The following SETBP1 variants were observed in gnomAD, a reference collection of about 807,000 sequenced individuals.
SETBP1 encodes the protein SET-binding protein.
In SETBP1, 9 loss-of-function variants were observed where a neutral mutation model predicts 101.0. The ratio of observed to expected loss-of-function variants is 0.09; its 90% CI spans 0.05 to 0.16. The LOEUF is 0.16. Among genes scored for constraint, SETBP1 ranks in the 10% least tolerant of loss-of-function variants. SETBP1 has a pLI of 1.00. For missense variants in SETBP1, 1,858 were observed against 2,033.8 expected, an observed-to-expected ratio of 0.91 and a Z score of 1.66; for synonymous variants, 818 against 788.5, an observed-to-expected ratio of 1.04 and a Z score of -0.63.
At chr18:44,736,794 C>T (rs1032456539) in intron 2 of SETBP1, among the ~76,000 whole-genome samples, 2 of 152,212 alleles carry the variant, frequency 1.3e-5, no homozygotes, top group African/African-American at 2.4e-5. Flanking sequence ...CTTGCTCATA[C>T]AGTTTGCATG....
intron 2 of SETBP1, among the ~76,000 whole-genome samples, chr18:44,741,456 C>T (rs371324346): frequency 2.0e-5 from 3 of 152,150 alleles, no homozygotes; most frequent in African/African-American, 4.8e-5. Flanking sequence ...CCTGTGCCAT[C>T]GGGACCCCTT....
Position 44,690,269 on chromosome 18 carries a change from C to T in SETBP1, c.-173+9248C>T, listed in dbSNP as rs538002118. 2.0e-5 allele frequency among the ~76,000 whole-genome samples: 3 copies of T among 152,306 alleles called. No homozygotes were observed. The East Asian group carries it at 5.8e-4, about 29-fold the overall frequency. ...CAAGGTAGCTAGAGGAGATATATCA[C>T]AGAGAAAGGGAAGTGGAGCTGATAT... On this transcript the variant is annotated intron_variant, in intron 1 of 5. Coordinates refer to ENST00000649279, the MANE Select transcript of SETBP1 (RefSeq NM_015559.3).
intron 2 of SETBP1, among the ~76,000 whole-genome samples, chr18:44,780,857 T>C (rs2071115113): frequency 6.6e-6 from 1 of 152,156 alleles, no homozygotes; most frequent in African/African-American, 2.4e-5. Context: ...CCTAAAGATG[T>C]GGTGTCCAAG....
intron 4 of SETBP1, among the ~76,000 whole-genome samples, chr18:44,990,594 AAAAC>A (rs140417562): frequency 0.23 from 34,759 of 150,420 alleles, 4,274 homozygotes; most frequent in East Asian, 0.52. Context: ...CTTGTCTCAA[AAAAC>A]AAACAAACAA....
intron 2 of SETBP1, among the ~76,000 whole-genome samples, chr18:44,772,180 G>A (rs1311184343): frequency 2.0e-5 from 3 of 152,122 alleles, no homozygotes; most frequent in Non-Finnish European, 4.4e-5. Context: ...TTTTCCAAAG[G>A]TTGACTCTCC....
chr18:44,836,500 G>C (rs79449524), intron 2 of SETBP1, among the ~76,000 whole-genome samples: 1 of 151,952 alleles, frequency 6.6e-6, no homozygotes, highest in African/African-American at 2.4e-5. Flanking sequence ...ACTCCACTCT[G>C]CTCCACTCTA....
intron 2 of SETBP1, among the ~76,000 whole-genome samples, chr18:44,727,687 C>T (rs1045136471): frequency 2.0e-5 from 3 of 152,180 alleles, no homozygotes; most frequent in Admixed American, 6.5e-5. Context: ...ATCAGATTCT[C>T]GAAGGTGAAA....
At chr18:44,787,104 G>A (rs78417343) in intron 2 of SETBP1, among the ~76,000 whole-genome samples, 1 of 152,116 alleles carries the variant, frequency 6.6e-6, no homozygotes, top group Non-Finnish European at 1.5e-5. Flanking sequence ...GGACAATAGT[G>A]CTTTCAAAGG....
chr18:44,767,588 C>T (rs1308036030), intron 2 of SETBP1, among the ~76,000 whole-genome samples: 1 of 152,180 alleles, frequency 6.6e-6, no homozygotes, highest in Non-Finnish European at 1.5e-5. Context: ...AAAGATTAAA[C>T]AGGTTAGTAA....
chr18:44,917,807 C>T (rs2070473178), intron 3 of SETBP1, among the ~76,000 whole-genome samples: 2 of 152,122 alleles, frequency 1.3e-5, no homozygotes, highest in African/African-American at 4.8e-5. Flanking sequence ...CATGGCAGGG[C>T]TCTGGGATAC....
At chr18:44,699,531 C>T (rs2069079183) in intron 1 of SETBP1, among the ~76,000 whole-genome samples, 2 of 152,212 alleles carry the variant, frequency 1.3e-5, no homozygotes, top group African/African-American at 2.4e-5. Context: ...AACTTCTCCC[C>T]ACCTCCCAAA....
chr18:44,716,502 T>C (rs1475888306), intron 2 of SETBP1, among the ~76,000 whole-genome samples: 1 of 152,204 alleles, frequency 6.6e-6, no homozygotes, highest in Non-Finnish European at 1.5e-5. Context: ...AGGCTCTTTA[T>C]GTTTTCTTAT....
intron 2 of SETBP1, among the ~76,000 whole-genome samples, chr18:44,773,838 A>ATGTGTGTGTGTGTGTCTGTG (rs2070932860): frequency 7.5e-6 from 1 of 134,174 alleles, no homozygotes; most frequent in South Asian, 2.5e-4. Flanking sequence ...CTCTCTGTTT[A>ATGTGTGTGTGTGTGTCTGTG]TGTGTGTGTG....
intron 3 of SETBP1, among the ~76,000 whole-genome samples, chr18:44,891,668 A>G (rs899521539): frequency 1.3e-5 from 2 of 152,198 alleles, no homozygotes; most frequent in East Asian, 1.9e-4. Context: ...TGAGGCCTGC[A>G]TGATCTCAAC....
intron 3 of SETBP1, among the ~76,000 whole-genome samples, chr18:44,903,108 C>T (rs572452318): frequency 6.6e-6 from 1 of 152,234 alleles, no homozygotes; most frequent in South Asian, 2.1e-4. Flanking sequence ...TCTTAATTCC[C>T]TTACTTAACC....
intron 2 of SETBP1, among the ~76,000 whole-genome samples, chr18:44,779,571 G>A (rs1172061934): frequency 3.9e-5 from 6 of 152,286 alleles, no homozygotes; most frequent in Non-Finnish European, 7.3e-5. Context: ...GTTGGCAGGA[G>A]AGGATGAGGA....
At chr18:44,973,922 G>C (rs944139707) in intron 4 of SETBP1, among the ~76,000 whole-genome samples, 2 of 152,124 alleles carry the variant, frequency 1.3e-5, no homozygotes, top group Non-Finnish European at 2.9e-5. Flanking sequence ...TCTGAGTCGT[G>C]CCTTAGGACA....
intron 3 of SETBP1, among the ~76,000 whole-genome samples, chr18:44,935,126 C>A (rs375053306): frequency 6.6e-6 from 1 of 152,174 alleles, no homozygotes; most frequent in Non-Finnish European, 1.5e-5. Flanking sequence ...TGCCCACCAG[C>A]CTCTGTGAGG....
chr18:44,790,815 A>T (rs2071354231), intron 2 of SETBP1, among the ~76,000 whole-genome samples: 1 of 151,804 alleles, frequency 6.6e-6, no homozygotes, highest in Non-Finnish European at 1.5e-5. Flanking sequence ...TTGCTTGGCC[A>T]ACCTTCTTGC....
Sources: allele counts gnomAD v4.1 joint callset (sites outside exome capture counted in the v4.1 genomes callset), GRCh38; gene constraint gnomAD v4.1.1; transcripts MANE v1.5; gene names NCBI Gene and HGNC (gene_info 2026-07-23, HGNC 2026-07-21).